LIFR: variants seen among roughly 807,000 people sequenced by gnomAD.
The protein encoded by LIFR is leukemia inhibitory factor receptor.
Under a neutral mutation model 122.2 loss-of-function variants are expected in LIFR, and 84 were observed. The ratio of observed to expected loss-of-function variants is 0.69; its 90% confidence interval spans 0.58 to 0.82. LIFR has a LOEUF of 0.82. Ranked by LOEUF, LIFR falls within the 40% of genes least tolerant of loss-of-function variation. LIFR has a pLI of 0.00. For missense variants in LIFR, 1,294 were observed against 1,311.6 expected (o/e 0.99, Z 0.21); for synonymous variants, 422 against 434.7 (o/e 0.97, Z 0.36).
chr5:38,597,313 G>T (rs995284875), upstream of LIFR, among the ~76,000 whole-genome samples: 1 of 152,212 alleles, frequency 6.6e-6, no homozygotes, highest in East Asian at 1.9e-4. Context: ...AGGACCTGGA[G>T]GCCTGAGCTG....
chr5:38,545,448 T>C (rs1747828906), intron 1 of LIFR, among the ~76,000 whole-genome samples: 1 of 152,154 alleles, frequency 6.6e-6, no homozygotes, highest in South Asian at 2.1e-4. Context: ...GGGTTATCTC[T>C]GAATGGTGAA....
At chr5:38,496,313 G>A (rs542376888) in intron 13 of LIFR, 69 bp downstream of exon 13, 213 of 1,234,536 alleles carry the variant, frequency 1.7e-4, no homozygotes, top group Non-Finnish European at 2.2e-4. Context: ...TGACAAAAGA[G>A]CAAGTAACAT....
At chr5:38,508,373 A>C (rs1311061180) in intron 7 of LIFR, among the ~76,000 whole-genome samples, 1 of 152,206 alleles carries the variant, frequency 6.6e-6, no homozygotes, top group Non-Finnish European at 1.5e-5. Flanking sequence ...TATTAAGATG[A>C]ATTAAAGAAG....
chr5:38,526,537 A>C (rs1746695264), intron 4 of LIFR, among the ~76,000 whole-genome samples: 1 of 152,116 alleles, frequency 6.6e-6, no homozygotes, highest in Non-Finnish European at 1.5e-5. Flanking sequence ...ATTTAGTAGC[A>C]AATTGTCAAG....
In LIFR at chr5:38,528,850, AC is replaced by A; in HGVS notation, c.143-11del. On this transcript the variant is annotated splice_polypyrimidine_tract_variant and intron_variant, in intron 2 of 19. Coordinates refer to ENST00000453190, the MANE Select transcript of LIFR (RefSeq NM_001127671.2). ...AAATCATGAGGAGCCCCTGGAGGAG[AC>A]ACACACACACACACACACACACACA... 5.0e-6 allele frequency: 1 copy of A among 199,578 alleles called. No individual in the cohort carries two copies. The highest frequency in any genetic ancestry group is 1.3e-3 in the Middle Eastern group (1 of 744). The allele number at this position is 199,578 out of a possible 1,614,324, so 12.4% of individuals were successfully genotyped here.
At chr5:38,550,934 T>C (rs1748167822) in intron 1 of LIFR, among the ~76,000 whole-genome samples, 1 of 152,220 alleles carries the variant, frequency 6.6e-6, no homozygotes, top group Non-Finnish European at 1.5e-5. Flanking sequence ...CTACTTTACT[T>C]GATTTTTGTT....
Position 38,504,043 on chromosome 5 carries a change from C to G in LIFR, c.1370G>C (p.Gly457Ala). The G allele has an allele frequency of 6.3e-7, 1 of 1,591,176 alleles. No homozygotes were observed. The highest frequency in any genetic ancestry group is 8.6e-7 in the Non-Finnish European group (1 of 1,159,410). The change falls in exon 10 of 20, where the codon GGC (glycine) becomes GCC (alanine). Residue 457 changes from glycine to alanine, a missense_variant. Gly to Ala is a moderately conservative substitution (Grantham distance 60). Coordinates refer to ENST00000453190, the MANE Select transcript of LIFR (RefSeq NM_001127671.2). ...TAVKLSWHLPGNFAKINFLCE... is the reference protein window; with the variant it reads ...TAVKLSWHLPANFAKINFLCE... ...TAAAAAATTAATCTTTGCAAAGTTGCCTGGTAAATGCCAAGAAAGTTTAAC... is the reference window on the plus strand; with the variant it reads ...TAAAAAATTAATCTTTGCAAAGTTGGCTGGTAAATGCCAAGAAAGTTTAAC...
chr5:38,486,294 T>C (rs1744282971), intron 16 of LIFR, among the ~76,000 whole-genome samples: 1 of 152,170 alleles, frequency 6.6e-6, no homozygotes, highest in African/African-American at 2.4e-5. Context: ...AGGCAATCAA[T>C]AATAGTCCCA....
chr5:38,598,977 T>C (rs1750174931), upstream of LIFR, among the ~76,000 whole-genome samples: 1 of 152,198 alleles, frequency 6.6e-6, no homozygotes. Context: ...ATCCTTATCT[T>C]GTAGAAAAGT....
intron 3 of LIFR, 83 bp from the exon 4 acceptor site, chr5:38,527,377 T>C: frequency 2.3e-6 from 2 of 864,986 alleles, no homozygotes. Context: ...CAAAATACAA[T>C]GGAAAATACT....
chr5:38,553,859 C>T (rs754736168), intron 1 of LIFR, among the ~76,000 whole-genome samples: 4 of 151,098 alleles, frequency 2.6e-5, no homozygotes, highest in African/African-American at 4.9e-5. Flanking sequence ...AGCATGCTGA[C>T]GAGACCCCAA....
chr5:38,496,249 C>T (rs1041275012), intron 13 of LIFR, 133 bp downstream of exon 13: 46 of 748,602 alleles, frequency 6.1e-5, no homozygotes, highest in Non-Finnish European at 9.2e-5. Flanking sequence ...CATCAATCTG[C>T]TCATTCTGCC....
chr5:38,517,698 A>C (rs76997332), intron 5 of LIFR, among the ~76,000 whole-genome samples: 34,443 of 151,000 alleles, frequency 0.23, 4,622 homozygotes, highest in East Asian at 0.39. Flanking sequence ...TCCACTAAAA[A>C]TACAAAAAGT....
At chr5:38,529,770 G>C (rs1746901384) in intron 2 of LIFR, among the ~76,000 whole-genome samples, 1 of 152,018 alleles carries the variant, frequency 6.6e-6, no homozygotes, top group African/African-American at 2.4e-5. Flanking sequence ...TACATGGTTG[G>C]TACGATATTC....
chr5:38,540,727 T>C (rs1747547241), intron 1 of LIFR, among the ~76,000 whole-genome samples: 1 of 152,050 alleles, frequency 6.6e-6, no homozygotes, highest in Admixed American at 6.6e-5. Context: ...TTTTTTTTAT[T>C]ATTATTATTA....
intron 1 of LIFR, among the ~76,000 whole-genome samples, chr5:38,592,146 A>G (rs1040711920): frequency 3.3e-5 from 5 of 152,208 alleles, no homozygotes; most frequent in African/African-American, 7.2e-5. Context: ...TGCCACAATC[A>G]TCTGAACTGA....
intron 5 of LIFR, among the ~76,000 whole-genome samples, chr5:38,514,404 T>C (rs1299586479): frequency 6.6e-6 from 1 of 152,196 alleles, no homozygotes; most frequent in African/African-American, 2.4e-5. Context: ...CCTGTAATTC[T>C]ACACCCAGTT....
intron 2 of LIFR, among the ~76,000 whole-genome samples, chr5:38,603,873 C>T (rs2112784807): frequency 6.6e-6 from 1 of 152,304 alleles, no homozygotes; most frequent in Non-Finnish European, 1.5e-5. Flanking sequence ...CTGGTCTACT[C>T]CACAGATGAA....
upstream of LIFR, among the ~76,000 whole-genome samples, chr5:38,596,016 G>T (rs923808244): frequency 6.6e-6 from 1 of 152,148 alleles, no homozygotes; most frequent in Non-Finnish European, 1.5e-5. Context: ...GATGACAGGC[G>T]TGAGCCACCG....
Sources: allele counts gnomAD v4.1 joint callset (sites outside exome capture counted in the v4.1 genomes callset), GRCh38; gene constraint gnomAD v4.1.1; transcripts MANE v1.5; gene names NCBI Gene and HGNC (gene_info 2026-07-23, HGNC 2026-07-21).